Variants in LHX2 observed in about 807,000 individuals in gnomAD.
The protein encoded by LHX2 is LIM/homeobox protein Lhx2.
A neutral mutation model predicts 33.0 loss-of-function variants in LHX2; 6 were observed. The ratio of observed to expected loss-of-function variants is 0.18; its 90% CI spans 0.10 to 0.36. LHX2 has a LOEUF of 0.36. Ranked by LOEUF, LHX2 falls within the 10% of genes least tolerant of loss-of-function variation. The probability of loss-of-function intolerance (pLI) is 1.00; values close to 1 mark genes in which losing one functional copy is unlikely to be tolerated. For synonymous variants in LHX2, 292 were observed against 253.1 expected, an observed-to-expected ratio of 1.15 and a Z score of -1.46; for missense variants, 442 against 586.2, an observed-to-expected ratio of 0.75 and a Z score of 2.54.
chr9:124,018,396 G>C (rs1352918228), intron 3 of LHX2, among the ~76,000 whole-genome samples: 5 of 151,984 alleles, frequency 3.3e-5, no homozygotes, highest in Admixed American at 2.6e-4. Context: ...GGAGTGAGGG[G>C]GTTCGGGGCG....
Position 124,015,365 on chromosome 9 carries a change from G to C in LHX2, c.567G>C (p.Ala189=). The C allele has an allele frequency of 6.2e-7, 1 of 1,610,232 alleles. No individual in the cohort carries two copies. Among genetic ancestry groups the C allele is most frequent in the East Asian group, 2.2e-5 (1 of 44,794 alleles). ...AHFNHADVAA[A]AAAAAAAKSA... ...TCAACCATGCCGACGTGGCAGCGGC[G>C]GCCGCTGCAGCCGCGGCGGCCAAGA... Residue 189 remains alanine (A), a synonymous_variant, in exon 3 of 5, where the codon GCG becomes GCC. Coordinates refer to ENST00000373615, the MANE Select transcript of LHX2 (RefSeq NM_004789.4). This position sits in a 1 kb window ranked among gnomAD's most constrained non-coding sequence, Gnocchi z 7.9.
At chr9:124,022,710 C>CA (rs981456204) in intron 4 of LHX2, among the ~76,000 whole-genome samples, 6 of 152,116 alleles carry the variant, frequency 3.9e-5, no homozygotes, top group African/African-American at 1.4e-4. Flanking sequence ...TTGTCAGAAA[C>CA]AAAAAACAAA....
intron 4 of LHX2, among the ~76,000 whole-genome samples, chr9:124,029,159 A>G (rs909014946): frequency 6.6e-6 from 1 of 152,142 alleles, no homozygotes; most frequent in Non-Finnish European, 1.5e-5. Flanking sequence ...AATCTATAAA[A>G]TGGGAATAAT....
Position 124,014,949 on chromosome 9 carries a change from G to A in LHX2, c.324-173G>A. 1.5e-6 allele frequency: 1 copy of A among 678,822 alleles called. No homozygotes were observed. The allele number at this position is 678,822 out of a possible 1,614,324, so 42.0% of individuals were successfully genotyped here. ...GTTAAGGGAAACTATTTTAGGACAGGACCAGGCCTGGGTCAAAATCTAGTT... is the reference window on the plus strand; with the variant it reads ...GTTAAGGGAAACTATTTTAGGACAGAACCAGGCCTGGGTCAAAATCTAGTT... On this transcript the variant is annotated intron_variant, in intron 2 of 4. Transcript: ENST00000373615. This position sits in a 1 kb window ranked among gnomAD's most constrained non-coding sequence, Gnocchi z 4.8.
At chr9:124,013,865 A>C (rs946065711) in intron 1 of LHX2, 96 bp from the exon 2 acceptor site, 11 of 1,148,240 alleles carry the variant, frequency 9.6e-6, no homozygotes, top group Non-Finnish European at 1.4e-5. Context: ...AGGGTAGCCA[A>C]GGCCACAGAG....
At position 124,012,963 on chromosome 9, in the gene LHX2, G is replaced by A. The variant is rs1187688131; in HGVS notation, c.120+495G>A. Among the ~76,000 whole-genome samples, 2 of 152,258 alleles carry A rather than the reference G, an allele frequency of 1.3e-5. No homozygotes were observed. Among genetic ancestry groups the A allele is most frequent in the Non-Finnish European group, 2.9e-5 (2 of 68,050 alleles). On this transcript the variant is annotated intron_variant, in intron 1 of 4. Coordinates refer to ENST00000373615, the MANE Select transcript of LHX2 (RefSeq NM_004789.4). The surrounding 1 kb of genome is among the most constrained non-coding windows in gnomAD (Gnocchi z 4.3). ...AGTTTCAGAGGCCGAAGTCTTCGGG[G>A]CCAACATTTGTCGTTGATCGCGTCC...
Position 124,032,410 on chromosome 9 carries a change from T to TC in LHX2, c.934-5dup. 2 of 1,572,638 alleles carry TC rather than the reference T, an allele frequency of 1.3e-6. No individual in the cohort carries two copies. The highest frequency in any genetic ancestry group is 1.7e-6 in the Non-Finnish European group (2 of 1,158,840). On this transcript the variant is annotated splice_polypyrimidine_tract_variant and intron_variant, in intron 4 of 4. Transcript: ENST00000373615. The surrounding 1 kb of genome is among the most constrained non-coding windows in gnomAD (Gnocchi z 4.1). ...TCCGCTCACCAGCCCTTCCCTGTCG[T>TC]CCCCCGCAGGTCTGGTTCCAGAACG...
In LHX2 at chr9:124,032,341, G is replaced by T. The variant is rs1365763118; in HGVS notation, c.934-79G>T. 19 of 1,448,728 alleles carry T rather than the reference G, an allele frequency of 1.3e-5. No individual in the cohort carries two copies. The Admixed American group carries it at 4.2e-4, about 32-fold the overall frequency. 89.7% of individuals were successfully genotyped at this position (1,448,728 alleles called of 1,614,324 possible). On this transcript the variant is annotated intron_variant, in intron 4 of 4. Coordinates refer to ENST00000373615, the MANE Select transcript of LHX2 (RefSeq NM_004789.4). The surrounding 1 kb of genome is among the most constrained non-coding windows in gnomAD (Gnocchi z 4.1). ...ACACAGATCAGCGTCCCCAGAGGCA[G>T]CAGAGCTCTGAGTGAAGCAGTCGGG...
At chr9:124,021,336 G>A in intron 4 of LHX2, 32 bp downstream of exon 4, 2 of 1,597,694 alleles carry the variant, frequency 1.3e-6, no homozygotes, top group Non-Finnish European at 1.7e-6. Flanking sequence ...GGGCATCTGC[G>A]ACCACCAGGG....
At chr9:124,023,661 T>G (rs1342089695) in intron 4 of LHX2, among the ~76,000 whole-genome samples, 1 of 152,210 alleles carries the variant, frequency 6.6e-6, no homozygotes, top group Non-Finnish European at 1.5e-5. Flanking sequence ...GAGGAGCCAG[T>G]CTCTGTTGGC....
Position 124,012,337 on chromosome 9 carries a change from G to A in LHX2, c.-12G>A. 1 of 1,488,950 alleles carries A rather than the reference G, an allele frequency of 6.7e-7. No homozygotes were observed. Among genetic ancestry groups the A allele is most frequent in the Non-Finnish European group, 8.9e-7 (1 of 1,124,210 alleles). 92.2% of individuals were successfully genotyped at this position (1,488,950 alleles called of 1,614,324 possible). Reference sequence around the variant, plus strand: ...GAGGAGCCGCGCCCCCGGCCCCGCCGGTCCCGCCGCGATGCTGTTCCACAG... The same window carrying A: ...GAGGAGCCGCGCCCCCGGCCCCGCCAGTCCCGCCGCGATGCTGTTCCACAG... On this transcript the variant is annotated 5_prime_UTR_variant, in exon 1 of 5. Coordinates refer to ENST00000373615, the MANE Select transcript of LHX2 (RefSeq NM_004789.4). This position sits in a 1 kb window ranked among gnomAD's most constrained non-coding sequence, Gnocchi z 4.3.
chr9:124,026,813 T>C (rs550061464), intron 4 of LHX2, among the ~76,000 whole-genome samples: 10 of 152,102 alleles, frequency 6.6e-5, no homozygotes, highest in Non-Finnish European at 1.3e-4. Context: ...AAGGGTACAA[T>C]TAGAGCACAG....
chr9:124,014,194 C>T lies in LHX2; in HGVS notation c.323+31C>T. ...CCCCCCACCCAACTGCCCCTCAGGA[C>T]CCCTCCCCCCAATCTCAGGCACAGT... is the stretch of plus-strand genomic sequence containing the variant. On this transcript the variant is annotated intron_variant, in intron 2 of 4. Transcript: ENST00000373615. The surrounding 1 kb of genome is among the most constrained non-coding windows in gnomAD (Gnocchi z 4.8). The T allele has an allele frequency of 7.2e-7, 1 of 1,390,482 alleles. No homozygotes were observed. Among genetic ancestry groups the T allele is most frequent in the Non-Finnish European group, 9.8e-7 (1 of 1,023,760 alleles). The allele number at this position is 1,390,482 out of a possible 1,614,324, so 86.1% of individuals were successfully genotyped here.
rs1451477462 is a variant in LHX2, at chr9:124,032,974, A to G, written c.*267A>G. ...AGCGAGGAAAAACAACAAATAATTT[A>G]AGTTGGCTAGAGCTTCTGTATTTTC... On this transcript the variant is annotated 3_prime_UTR_variant, in exon 5 of 5. Transcript: ENST00000373615. This position sits in a 1 kb window ranked among gnomAD's most constrained non-coding sequence, Gnocchi z 4.1. The G allele has an allele frequency of 3.0e-6, 1 of 328,892 alleles. No individual in the cohort carries two copies. Among genetic ancestry groups the G allele is most frequent in the Non-Finnish European group, 5.5e-6 (1 of 182,732 alleles). 20.4% of individuals were successfully genotyped at this position (328,892 alleles called of 1,614,324 possible).
Position 124,015,618 on chromosome 9 carries a change from G to C in LHX2, c.727+93G>C. On this transcript the variant is annotated intron_variant, in intron 3 of 4. Transcript: ENST00000373615. This position sits in a 1 kb window ranked among gnomAD's most constrained non-coding sequence, Gnocchi z 7.9. ...GCTGGATTGAATCTCTGTGTGCTGG[G>C]CAAATAGCGAGCCTTAAGCACCGGA... 1 of 1,346,208 alleles carries C rather than the reference G, an allele frequency of 7.4e-7. No homozygotes were observed. Among genetic ancestry groups the C allele is most frequent in the Non-Finnish European group, 9.9e-7 (1 of 1,014,622 alleles). 83.4% of individuals were successfully genotyped at this position (1,346,208 alleles called of 1,614,324 possible). A position where few individuals can be genotyped will look rare whatever the true frequency, so the allele number is the denominator to read the frequency against.
At chr9:124,022,819 G>A (rs1859315673) in intron 4 of LHX2, among the ~76,000 whole-genome samples, 1 of 152,254 alleles carries the variant, frequency 6.6e-6, no homozygotes, top group South Asian at 2.1e-4. Flanking sequence ...CTAGGCTCCC[G>A]AGGCGCCCCC....
In LHX2 at chr9:124,012,688, G is replaced by A. The variant is rs960731208; in HGVS notation, c.120+220G>A. Among the ~76,000 whole-genome samples the A allele has an allele frequency of 6.6e-6, 1 of 152,234 alleles. No homozygotes were observed. Among genetic ancestry groups the A allele is most frequent in the Admixed American group, 6.5e-5 (1 of 15,290 alleles). On this transcript the variant is annotated intron_variant, in intron 1 of 4. Transcript: ENST00000373615. This position sits in a 1 kb window ranked among gnomAD's most constrained non-coding sequence, Gnocchi z 4.3. ...GGTTGAAACCGAAATCTCGGCCCTGGGGGTAGAGGAGAGCGTTTCTTCCGA... is the reference window on the plus strand; with the variant it reads ...GGTTGAAACCGAAATCTCGGCCCTGAGGGTAGAGGAGAGCGTTTCTTCCGA...
intron 4 of LHX2, among the ~76,000 whole-genome samples, chr9:124,029,417 T>C (rs1033918832): frequency 4.6e-5 from 7 of 152,090 alleles, no homozygotes; most frequent in African/African-American, 1.7e-4. Flanking sequence ...TGGGAGAGAA[T>C]TCTAGTGAAG....
rs1588345897 is a variant in LHX2 at position 124,015,715 on chromosome 9, G to A, written c.727+190G>A. Among the ~76,000 whole-genome samples, 1 of 152,234 alleles carries A rather than the reference G, an allele frequency of 6.6e-6. No homozygotes were observed. Among genetic ancestry groups the A allele is most frequent in the Admixed American group, 6.5e-5 (1 of 15,288 alleles). Reference sequence around the variant, plus strand: ...GTCCTCGGCTGGAGCGGGAGGAGAGGGTGCAGTGGTCCCTTGCTGCTCCGG... The same window carrying A: ...GTCCTCGGCTGGAGCGGGAGGAGAGAGTGCAGTGGTCCCTTGCTGCTCCGG... On this transcript the variant is annotated intron_variant, in intron 3 of 4. Transcript: ENST00000373615. The surrounding 1 kb of genome is among the most constrained non-coding windows in gnomAD (Gnocchi z 7.9).
Sources: gnomAD v4.1 joint callset for allele counts (sites outside exome capture counted in the v4.1 genomes callset) on GRCh38, gnomAD v4.1.1 for gene constraint, Gnocchi (gnomAD v3.1) non-coding constraint, MANE v1.5 for transcripts, NCBI Gene and HGNC (gene_info 2026-07-23, HGNC 2026-07-21) for gene names.